The following CACNB2 variants were observed in gnomAD, a reference collection of about 807,000 sequenced individuals.
The protein encoded by CACNB2 is calcium voltage-gated channel auxiliary subunit beta 2.
In CACNB2, 42 loss-of-function variants were observed where a neutral mutation model predicts 73.3. The ratio of observed to expected loss-of-function variants is 0.57; its 90% confidence interval spans 0.45 to 0.74. The LOEUF is 0.74. CACNB2 is among the 30% of genes least tolerant of loss of function. CACNB2 has a pLI of 0.00. For synonymous variants in CACNB2, 348 were observed against 310.3 expected, an observed-to-expected ratio of 1.12 and a Z score of -1.28; for missense variants, 940 against 853.0, an observed-to-expected ratio of 1.10 and a Z score of -1.27.
chr10:18,221,033 G>C (rs1309376706), intron 2 of CACNB2, among the ~76,000 whole-genome samples: 2 of 152,186 alleles, frequency 1.3e-5, no homozygotes, highest in Non-Finnish European at 2.9e-5. Context: ...ACCTGGATGG[G>C]GGCTGGGCAG....
intron 2 of CACNB2, among the ~76,000 whole-genome samples, chr10:18,367,613 T>C (rs1409899891): frequency 6.6e-6 from 1 of 152,136 alleles, no homozygotes; most frequent in Non-Finnish European, 1.5e-5. Context: ...TAAGAGTATA[T>C]AACTAATTAG....
intron 2 of CACNB2, among the ~76,000 whole-genome samples, chr10:18,199,717 G>T (rs2034790186): frequency 6.6e-6 from 1 of 152,168 alleles, no homozygotes; most frequent in African/African-American, 2.4e-5. Context: ...GATATATACT[G>T]TAAGATAATT....
In CACNB2 at chr10:18,516,436, C is replaced by T. The variant is rs148850915; in HGVS notation, c.805-1900C>T. On this transcript the variant is annotated intron_variant, in intron 7 of 13. Coordinates refer to ENST00000324631, the MANE Select transcript of CACNB2 (RefSeq NM_201596.3). ...TCGAAGGAACCAAAGACCTATCAAACACTGGGCCACTTCAGAATTAAAGTC... is the reference window on the plus strand; with the variant it reads ...TCGAAGGAACCAAAGACCTATCAAATACTGGGCCACTTCAGAATTAAAGTC... 1.3e-3 allele frequency among the ~76,000 whole-genome samples: 203 copies of T among 152,254 alleles called. 2 individuals carry two copies. The highest frequency in any genetic ancestry group is 4.7e-3 in the African/African-American group (195 of 41,558).
intron 2 of CACNB2, among the ~76,000 whole-genome samples, chr10:18,325,593 T>C (rs1400383285): frequency 6.6e-6 from 1 of 151,726 alleles, no homozygotes; most frequent in East Asian, 1.9e-4. Context: ...CTTTCTCTCT[T>C]TCTCTGTCTT....
intron 2 of CACNB2, among the ~76,000 whole-genome samples, chr10:18,222,938 A>C (rs11013065): frequency 0.5 from 76,681 of 152,014 alleles, 21,822 homozygotes; most frequent in Middle Eastern, 0.65. Context: ...CTCCATCTCA[A>C]AAAGAAAAAT....
In CACNB2 at chr10:18,346,507, T is replaced by C. The variant is rs77438643; in HGVS notation, c.214-55417T>C. 2.5e-3 allele frequency among the ~76,000 whole-genome samples: 383 copies of C among 152,320 alleles called. 1 individual carries two copies. The highest frequency in any genetic ancestry group is 8.7e-3 in the African/African-American group (362 of 41,578). Reference sequence around the variant, plus strand: ...GTATTTTGATCTTAATGTAATATCATGTCATTTGTTAATTCACAAATAGTC... The same window carrying C: ...GTATTTTGATCTTAATGTAATATCACGTCATTTGTTAATTCACAAATAGTC... On this transcript the variant is annotated intron_variant, in intron 2 of 13. Transcript: ENST00000324631.
intron 2 of CACNB2, among the ~76,000 whole-genome samples, chr10:18,387,767 T>C (rs1314227165): frequency 2.6e-5 from 4 of 152,026 alleles, no homozygotes; most frequent in Non-Finnish European, 5.9e-5. Flanking sequence ...TCTCTTTTTT[T>C]TTTTTTAGCG....
Position 18,443,018 on chromosome 10 carries a change from A to ATATATATATATATGTATATATATG in CACNB2, c.333+40988_333+40989insGTATATATATGTATATATATATAT, listed in dbSNP as rs1564554330. Among the ~76,000 whole-genome samples the ATATATATATATATGTATATATATG allele has an allele frequency of 2.9e-5, 2 of 69,966 alleles. 1 individual carries two copies. Among genetic ancestry groups the ATATATATATATATGTATATATATG allele is most frequent in the Non-Finnish European group, 5.9e-5 (2 of 34,162 alleles). The allele number at this position is 69,966 out of a possible 152,430, so 45.9% of individuals were successfully genotyped here. A position where few individuals can be genotyped will look rare whatever the true frequency, so the allele number is the denominator to read the frequency against. On this transcript the variant is annotated intron_variant, in intron 3 of 13. Transcript: ENST00000324631. ...TATATGTGTATATATATATATGTAT[A>ATATATATATATATGTATATATATG]TATATATATATATATATAAATAAGG... is the stretch of plus-strand genomic sequence containing the variant.
chr10:18,472,042 C>T (rs955651791), intron 3 of CACNB2, among the ~76,000 whole-genome samples: 1 of 152,016 alleles, frequency 6.6e-6, no homozygotes, highest in African/African-American at 2.4e-5. Context: ...ATCTCTCTGG[C>T]TCCTTCACTG....
chr10:18,291,093 A>C (rs112395507), intron 2 of CACNB2, among the ~76,000 whole-genome samples: 2,203 of 152,340 alleles, frequency 0.014, 17 homozygotes, highest in Middle Eastern at 0.034. Context: ...CTGGAACTGC[A>C]GGGAGAGCGA....
intron 2 of CACNB2, among the ~76,000 whole-genome samples, chr10:18,238,957 A>C (rs1288973910): frequency 6.6e-6 from 1 of 152,160 alleles, no homozygotes; most frequent in African/African-American, 2.4e-5. Flanking sequence ...TTAATTACAG[A>C]GGCGATGTGA....
intron 2 of CACNB2, among the ~76,000 whole-genome samples, chr10:18,363,738 C>T (rs1227538476): frequency 6.6e-6 from 1 of 151,536 alleles, no homozygotes; most frequent in African/African-American, 2.4e-5. Flanking sequence ...AGCTGTGTGA[C>T]ACTTGGTATG....
At chr10:18,217,937 T>C (rs1269099175) in intron 2 of CACNB2, among the ~76,000 whole-genome samples, 1 of 152,174 alleles carries the variant, frequency 6.6e-6, no homozygotes, top group Non-Finnish European at 1.5e-5. Flanking sequence ...GTGCATGCTT[T>C]AGTTTCTCAG....
At chr10:18,152,913 C>T (rs939369061) in intron 2 of CACNB2, among the ~76,000 whole-genome samples, 15 of 151,778 alleles carry the variant, frequency 9.9e-5, no homozygotes, top group East Asian at 7.8e-4. Flanking sequence ...CCTGTAGAAA[C>T]GCCACGTGAA....
chr10:18,319,042 T>C (rs2040299551), intron 2 of CACNB2, among the ~76,000 whole-genome samples: 1 of 152,160 alleles, frequency 6.6e-6, no homozygotes, highest in Non-Finnish European at 1.5e-5. Flanking sequence ...GATGTGGGAA[T>C]TTCTCAAGGA....
intron 2 of CACNB2, among the ~76,000 whole-genome samples, chr10:18,336,512 G>A (rs959681011): frequency 3.9e-5 from 6 of 152,040 alleles, no homozygotes; most frequent in African/African-American, 9.7e-5. Context: ...CCAGCTACTC[G>A]AGAGGCTGAG....
At chr10:18,526,516 C>T (rs565929144) in intron 9 of CACNB2, among the ~76,000 whole-genome samples, 29 of 152,296 alleles carry the variant, frequency 1.9e-4, no homozygotes, top group Admixed American at 3.3e-4. Context: ...TTTTCCTTTT[C>T]GCCCTAACTT....
intron 3 of CACNB2, among the ~76,000 whole-genome samples, chr10:18,480,260 A>C (rs1352359386): frequency 7.2e-6 from 1 of 138,220 alleles, no homozygotes; most frequent in Non-Finnish European, 1.6e-5. Context: ...GAGGATCACA[A>C]TTCACTTTTA....
Position 18,539,334 on chromosome 10 carries a change from C to G in CACNB2, c.1593C>G (p.Arg531=). 6.2e-7 allele frequency: 1 copy of G among 1,614,148 alleles called. No homozygotes were observed. Among genetic ancestry groups the G allele is most frequent in the African/African-American group, 1.3e-5 (1 of 75,034 alleles). ...SVEPVKKSQH[R]SSSSAPHHNH... ...AACCAGTCAAGAAATCCCAGCACCG[C>G]TCTTCCTCCTCAGCCCCACACCACA... The change falls in exon 14 of 14, where the codon CGC becomes CGG. Residue 531 remains arginine (R), a synonymous_variant. Coordinates refer to ENST00000324631, the MANE Select transcript of CACNB2 (RefSeq NM_201596.3).
Sources: gnomAD v4.1 joint callset for allele counts (sites outside exome capture counted in the v4.1 genomes callset) on GRCh38, gnomAD v4.1.1 for gene constraint, MANE v1.5 for transcripts, NCBI Gene and HGNC (gene_info 2026-07-23, HGNC 2026-07-21) for gene names.